The following RBBP6 variants were observed in gnomAD, a reference collection of about 807,000 sequenced individuals.
RBBP6 encodes the protein E3 ubiquitin-protein ligase RBBP6.
RBBP6 carries 25 observed loss-of-function variants against 167.7 expected under a neutral mutation model. The observed-to-expected ratio is 0.15, with a 90% CI of 0.11 to 0.21. The LOEUF (loss-of-function observed/expected upper bound fraction) is 0.21. Ranked by LOEUF, RBBP6 falls within the 10% of genes least tolerant of loss-of-function variation. RBBP6 has a pLI of 1.00. For synonymous variants in RBBP6, 789 were observed against 735.8 expected (o/e 1.07, Z -1.17); for missense variants, 1,868 against 2,134.2 (o/e 0.88, Z 2.46).
intron 16 of RBBP6, among the ~76,000 whole-genome samples, chr16:24,568,173 G>C (rs1225940158): frequency 3.9e-5 from 6 of 152,176 alleles, no homozygotes; most frequent in African/African-American, 1.4e-4. Context: ...TGGAAGGAAA[G>C]AAATAGGGGA....
Position 24,571,983 on chromosome 16 carries a change from A to G in RBBP6, c.4917A>G (p.Pro1639=). Residue 1639 remains proline, a synonymous_variant, in exon 18 of 18, where the codon CCA becomes CCG. Coordinates refer to ENST00000319715, the MANE Select transcript of RBBP6 (RefSeq NM_006910.5). ...AAACTGATGAAGCTGCTTTTGAACCAGACTATAATGAAAGTGACAGTGAAA... is the reference window on the plus strand; with the variant it reads ...AAACTGATGAAGCTGCTTTTGAACCGGACTATAATGAAAGTGACAGTGAAA... ...TRETDEAAFE[P]DYNESDSESN... is the part of the protein sequence containing the mutation. 1 of 1,613,920 alleles carries G rather than the reference A, an allele frequency of 6.2e-7. No individual in the cohort carries two copies. The highest frequency in any genetic ancestry group is 1.1e-5 in the South Asian group (1 of 91,030).
intron 1 of RBBP6, 133 bp downstream of exon 1, chr16:24,540,925 A>T (rs1043394136): frequency 1.2e-5 from 13 of 1,104,066 alleles, no homozygotes; most frequent in Non-Finnish European, 1.6e-5. Flanking sequence ...TACAACTTTC[A>T]TTGATAGCCA....
Position 24,555,684 on chromosome 16 carries a change from C to T in RBBP6, c.418C>T (p.His140Tyr). 2 of 1,613,564 alleles carry T rather than the reference C, an allele frequency of 1.2e-6. No homozygotes were observed. Among genetic ancestry groups the T allele is most frequent in the Non-Finnish European group, 1.7e-6 (2 of 1,179,706 alleles). ...KIKAMMSQSG[H>Y]EYDPINYMKK... ...TAAAGCAATGATGTCGCAATCTGGC[C>T]ATGAATACGACCCAATCAAGTAAGT... Residue 140 changes from histidine (H) to tyrosine (Y), a missense_variant, in exon 5 of 18, where the codon CAT becomes TAT. By Grantham distance (83) the His-to-Tyr change is moderately conservative (BLOSUM62 2). This residue lies in a region of RBBP6 where 184 missense variants were observed against 327.7 expected (regional missense o/e 0.56). Coordinates refer to ENST00000319715, the MANE Select transcript of RBBP6 (RefSeq NM_006910.5).
Position 24,563,608 on chromosome 16 carries a change from A to G in RBBP6, c.1466-2A>G. On this transcript the variant is annotated splice_acceptor_variant, in intron 12 of 17. Coordinates refer to ENST00000319715, the MANE Select transcript of RBBP6 (RefSeq NM_006910.5). LOFTEE classifies it high-confidence loss of function. Reference sequence around the variant, plus strand: ...CCTACTGCTTTTATTTTTTGTTTCTAGGTCCAGTAAGAATAAATACTGCTC... The same window carrying G: ...CCTACTGCTTTTATTTTTTGTTTCTGGGTCCAGTAAGAATAAATACTGCTC... The G allele has an allele frequency of 6.2e-7, 1 of 1,612,158 alleles. No individual in the cohort carries two copies. The highest frequency in any genetic ancestry group is 2.2e-5 in the East Asian group (1 of 44,822).
At chr16:24,542,140 A>G (rs879628051) in intron 1 of RBBP6, among the ~76,000 whole-genome samples, 1 of 152,228 alleles carries the variant, frequency 6.6e-6, no homozygotes, top group African/African-American at 2.4e-5. Flanking sequence ...AGCTATGTGT[A>G]ATCCTCTGCC....
chr16:24,559,204 T>G (rs990880224), intron 7 of RBBP6, among the ~76,000 whole-genome samples: 3 of 152,240 alleles, frequency 2.0e-5, no homozygotes, highest in Non-Finnish European at 4.4e-5. Flanking sequence ...TAGAACTTTA[T>G]GGCACAGAAC....
chr16:24,564,958 AGG>A, intron 14 of RBBP6, 93 bp downstream of exon 14: 1 of 1,500,420 alleles, frequency 6.7e-7, no homozygotes. Context: ...GCAGGAAGGA[AGG>A]GGGTCATTTG....
intron 1 of RBBP6, among the ~76,000 whole-genome samples, chr16:24,542,318 C>T (rs144188819): frequency 1.3e-5 from 2 of 152,116 alleles, no homozygotes; most frequent in East Asian, 3.9e-4. Flanking sequence ...AGAGGAGAGA[C>T]AATATGAATG....
chr16:24,560,361 C>G (rs901771866), intron 8 of RBBP6, among the ~76,000 whole-genome samples: 3 of 152,172 alleles, frequency 2.0e-5, no homozygotes, highest in African/African-American at 7.2e-5. Context: ...CCACCTCGGC[C>G]TCCCCAAGTG....
chr16:24,540,879 GTC>G, intron 1 of RBBP6, 87 bp downstream of exon 1: 1 of 1,475,774 alleles, frequency 6.8e-7, no homozygotes, highest in Non-Finnish European at 9.1e-7. Context: ...CCGCCATTAT[GTC>G]TCTAGTGGGG....
At position 24,569,112 on chromosome 16, in the gene RBBP6, A is replaced by G; in HGVS notation, c.2422A>G (p.Met808Val). 6.2e-7 allele frequency: 1 copy of G among 1,613,536 alleles called. No homozygotes were observed. The highest frequency in any genetic ancestry group is 8.5e-7 in the Non-Finnish European group (1 of 1,179,828). Residue 808 changes from methionine (M) to valine (V), a missense_variant, in exon 17 of 18, where the codon ATG (methionine) becomes GTG (valine). Around this residue, in one of 7 missense-constraint regions of RBBP6, gnomAD observed 673 missense variants for 691.5 expected, o/e 0.97. Coordinates refer to ENST00000319715, the MANE Select transcript of RBBP6 (RefSeq NM_006910.5). ...RYREVPPPYD[M>V]KAYYGRSVDF... is the part of the protein sequence containing the mutation. ...CAGAGAAGTTCCACCACCATATGAC[A>G]TGAAAGCATATTATGGGAGAAGTGT... is the stretch of plus-strand genomic sequence containing the variant.
chr16:24,549,572 C>G (rs1443371563), intron 3 of RBBP6, among the ~76,000 whole-genome samples: 2 of 151,968 alleles, frequency 1.3e-5, no homozygotes, highest in Non-Finnish European at 2.9e-5. Context: ...ACCATTGATG[C>G]AGCTTTATTA....
rs1269354700 is a variant in RBBP6 at position 24,571,284 on chromosome 16, A to C, written c.4218A>C (p.Arg1406=). 2 of 1,613,450 alleles carry C rather than the reference A, an allele frequency of 1.2e-6. No homozygotes were observed. The highest frequency in any genetic ancestry group is 1.7e-4 in the Middle Eastern group (1 of 6,058). Residue 1406 remains arginine, a synonymous_variant, in exon 18 of 18, where the codon CGA becomes CGC. Transcript: ENST00000319715. Reference sequence around the variant, plus strand: ...GTGAAAAAGGGAAAACCAAAGATCGAGATTATTCAGTGTTGGAAAAGGAGA... The same window carrying C: ...GTGAAAAAGGGAAAACCAAAGATCGCGATTATTCAGTGTTGGAAAAGGAGA... ...ASSEKGKTKD[R]DYSVLEKENP... is the part of the protein sequence containing the mutation.
chr16:24,563,336 G>A, intron 11 of RBBP6, 41 bp downstream of exon 11: 1 of 1,568,716 alleles, frequency 6.4e-7, no homozygotes, highest in Non-Finnish European at 8.7e-7. Context: ...TTTTTTTACA[G>A]CAGGGTTTTG....
chr16:24,570,868 C>A lies in RBBP6; in HGVS notation c.3810-8C>A, dbSNP rs1899309738. On this transcript the variant is annotated splice_polypyrimidine_tract_variant and splice_region_variant and intron_variant, in intron 17 of 17. Coordinates refer to ENST00000319715, the MANE Select transcript of RBBP6 (RefSeq NM_006910.5). ...CATTAATTAAAAATATTTTGTTATT[C>A]TTTTTAGTACGAGCTCAACTGGAGG... 16 of 1,428,540 alleles carry A rather than the reference C, an allele frequency of 1.1e-5. No homozygotes were observed. The highest frequency in any genetic ancestry group is 1.8e-5 in the South Asian group (1 of 56,794). 88.5% of individuals were successfully genotyped at this position (1,428,540 alleles called of 1,614,324 possible).
Position 24,540,099 on chromosome 16 carries a change from C to G in RBBP6, c.-528C>G, listed in dbSNP as rs1205495333. ...CCTGGGGAAGCTGACGCCGGTCGTC[C>G]GGAAGCCAGGAGGAGGCGTGAGGCC... On this transcript the variant is annotated 5_prime_UTR_variant, in exon 1 of 18. Coordinates refer to ENST00000319715, the MANE Select transcript of RBBP6 (RefSeq NM_006910.5). 3 of 153,518 alleles carry G rather than the reference C, an allele frequency of 2.0e-5. No individual in the cohort carries two copies. The Admixed American group carries it at 2.0e-4, about 10-fold the overall frequency. 9.5% of individuals were successfully genotyped at this position (153,518 alleles called of 1,614,324 possible). A position where few individuals can be genotyped will look rare whatever the true frequency, so the allele number is the denominator to read the frequency against.
chr16:24,560,513 C>G (rs1899025300), intron 8 of RBBP6, among the ~76,000 whole-genome samples: 1 of 152,212 alleles, frequency 6.6e-6, no homozygotes, highest in Non-Finnish European at 1.5e-5. Context: ...TTTGTGCCTT[C>G]TTACACAGAA....
chr16:24,570,755 T>A, intron 17 of RBBP6, 121 bp from the exon 18 acceptor site: 1 of 947,932 alleles, frequency 1.1e-6, no homozygotes. Flanking sequence ...AGAATAAGTT[T>A]TTTGTTTTTT....
At chr16:24,568,334 T>A (rs1177697832) in intron 16 of RBBP6, among the ~76,000 whole-genome samples, 2 of 152,244 alleles carry the variant, frequency 1.3e-5, no homozygotes, top group Admixed American at 1.3e-4. Flanking sequence ...GAAGTTTGTT[T>A]AAAAGACTTT....
Sources: allele counts gnomAD v4.1 joint callset (sites outside exome capture counted in the v4.1 genomes callset), GRCh38; gene constraint gnomAD v4.1.1; regional missense constraint gnomAD v4.1.1; transcripts MANE v1.5; gene names NCBI Gene and HGNC (gene_info 2026-07-23, HGNC 2026-07-21).